EPHA6: variants seen among roughly 807,000 people sequenced by gnomAD.
The protein encoded by EPHA6 is EPH receptor A6.
Under a neutral mutation model 112.0 loss-of-function variants are expected in EPHA6, and 50 were observed. The ratio of observed to expected loss-of-function variants is 0.45; its 90% CI spans 0.36 to 0.56. The LOEUF (loss-of-function observed/expected upper bound fraction) is 0.56, where lower values mean the gene tolerates loss of function less well. Ranked by LOEUF, EPHA6 falls within the 20% of genes least tolerant of loss-of-function variation. The probability of loss-of-function intolerance (pLI) is 0.00; values close to 1 mark genes in which losing one functional copy is unlikely to be tolerated. For synonymous variants in EPHA6, 529 were observed against 490.7 expected, an observed-to-expected ratio of 1.08 and a Z score of -1.03; for missense variants, 1,280 against 1,417.4, an observed-to-expected ratio of 0.90 and a Z score of 1.56.
intron 5 of EPHA6, among the ~76,000 whole-genome samples, 160 bp from the exon 6 acceptor site, chr3:97,404,990 C>A (rs978795240): frequency 1.3e-5 from 2 of 152,042 alleles, no homozygotes; most frequent in African/African-American, 4.8e-5. Flanking sequence ...TTATTTGGAT[C>A]GAATAGAGCA....
chr3:97,590,036 C>T (rs55994700), intron 11 of EPHA6, among the ~76,000 whole-genome samples: 2,349 of 152,200 alleles, frequency 0.015, 43 homozygotes, highest in African/African-American at 0.046. Flanking sequence ...GAAATTATAA[C>T]AAAGAATTGC....
intron 3 of EPHA6, among the ~76,000 whole-genome samples, chr3:97,083,880 A>G (rs1279824464): frequency 2.0e-5 from 3 of 151,732 alleles, no homozygotes; most frequent in South Asian, 4.2e-4. Context: ...TTGTATATAC[A>G]TACATGAAAT....
intron 11 of EPHA6, among the ~76,000 whole-genome samples, chr3:97,554,961 G>T (rs1270174289): frequency 1.3e-5 from 2 of 151,596 alleles, no homozygotes; most frequent in Non-Finnish European, 2.9e-5. Flanking sequence ...TTAAGTTTTA[G>T]GTTACATGTG....
At chr3:97,204,243 GTACTAGGCTCCAGAAATATAAACA>G (rs1420302072) in intron 3 of EPHA6, among the ~76,000 whole-genome samples, 1 of 151,978 alleles carries the variant, frequency 6.6e-6, no homozygotes, top group East Asian at 1.9e-4. Flanking sequence ...AATTTCCTAT[GTACTAGGCTCCAGAAATATAAACA>G]TTTTTACATG....
chr3:97,453,356 C>T (rs1169192371), intron 7 of EPHA6, among the ~76,000 whole-genome samples: 1 of 151,670 alleles, frequency 6.6e-6, no homozygotes, highest in Non-Finnish European at 1.5e-5. Flanking sequence ...AGAATTAATA[C>T]ATTGCCAACA....
intron 3 of EPHA6, among the ~76,000 whole-genome samples, chr3:97,124,888 C>T (rs1294203284): frequency 6.6e-6 from 1 of 152,134 alleles, no homozygotes; most frequent in Non-Finnish European, 1.5e-5. Flanking sequence ...CAAATGCCAG[C>T]AAGGGGCATG....
At chr3:97,702,737 C>T (rs1436628755) in intron 14 of EPHA6, among the ~76,000 whole-genome samples, 4 of 152,132 alleles carry the variant, frequency 2.6e-5, no homozygotes, top group African/African-American at 9.7e-5. Flanking sequence ...GGCTTCAACC[C>T]ATGGATTCAT....
chr3:97,519,817 A>G (rs778677718), intron 10 of EPHA6, among the ~76,000 whole-genome samples: 26 of 151,562 alleles, frequency 1.7e-4, no homozygotes, highest in Non-Finnish European at 3.5e-4. Flanking sequence ...GCTGATTTTT[A>G]TATGTTGATT....
At chr3:97,605,823 T>C (rs2093676667) in intron 12 of EPHA6, among the ~76,000 whole-genome samples, 1 of 151,622 alleles carries the variant, frequency 6.6e-6, no homozygotes, top group South Asian at 2.1e-4. Context: ...ATCTGTACCT[T>C]GCTTTGGGCA....
intron 5 of EPHA6, among the ~76,000 whole-genome samples, chr3:97,305,765 G>A (rs57132560): frequency 0.028 from 4,258 of 151,768 alleles, 202 homozygotes; most frequent in African/African-American, 0.091. Flanking sequence ...AATGCCTGTG[G>A]GGTTTAATAC....
intron 17 of EPHA6, among the ~76,000 whole-genome samples, chr3:97,748,129 T>A (rs1256101796): frequency 6.6e-6 from 1 of 152,108 alleles, no homozygotes; most frequent in Non-Finnish European, 1.5e-5. Flanking sequence ...CTAAGGGCAT[T>A]TTTTCTAGAT....
chr3:97,123,497 T>G (rs1418266412), intron 3 of EPHA6, among the ~76,000 whole-genome samples: 1 of 152,042 alleles, frequency 6.6e-6, no homozygotes, highest in African/African-American at 2.4e-5. Flanking sequence ...AAATTTGAAA[T>G]TAGGAGCATA....
At chr3:96,993,550 C>G (rs2043294790) in intron 3 of EPHA6, among the ~76,000 whole-genome samples, 1 of 152,090 alleles carries the variant, frequency 6.6e-6, no homozygotes, top group Non-Finnish European at 1.5e-5. Context: ...TTCTTTCTCA[C>G]TCTTTCATTT....
intron 9 of EPHA6, chr3:97,481,164 A>G (rs190834444): frequency 0.017 from 14,060 of 837,806 alleles, 170 homozygotes; most frequent in Non-Finnish European, 0.022. Flanking sequence ...AGATCACGCC[A>G]CTGCACTCCA....
At chr3:97,329,956 A>G (rs1427970091) in intron 5 of EPHA6, among the ~76,000 whole-genome samples, 4 of 152,176 alleles carry the variant, frequency 2.6e-5, no homozygotes, top group Non-Finnish European at 4.4e-5. Flanking sequence ...TTTAGGTATA[A>G]CATTTAAGTC....
chr3:97,193,368 T>G (rs1456473023), intron 3 of EPHA6, among the ~76,000 whole-genome samples: 1 of 152,140 alleles, frequency 6.6e-6, no homozygotes, highest in African/African-American at 2.4e-5. Context: ...TTTGGTTAAG[T>G]CTTTTTAAGG....
At chr3:97,443,088 A>G (rs908814835) in intron 6 of EPHA6, among the ~76,000 whole-genome samples, 1 of 151,990 alleles carries the variant, frequency 6.6e-6, no homozygotes, top group African/African-American at 2.4e-5. Context: ...TGTGGTTTTA[A>G]TTCGTTTATT....
chr3:97,392,378 G>C (rs911409626), intron 5 of EPHA6, among the ~76,000 whole-genome samples: 10 of 151,516 alleles, frequency 6.6e-5, no homozygotes, highest in Non-Finnish European at 8.9e-5. Flanking sequence ...GTTTCACTAA[G>C]CTAGCATGGT....
At chr3:97,744,338 A>C (rs2035626521) in intron 16 of EPHA6, among the ~76,000 whole-genome samples, 1 of 152,072 alleles carries the variant, frequency 6.6e-6, no homozygotes, top group Admixed American at 6.6e-5. Flanking sequence ...TTATCATTGT[A>C]CATGTTTGAT....
Sources: gnomAD v4.1 joint callset for allele counts (sites outside exome capture counted in the v4.1 genomes callset) on GRCh38, gnomAD v4.1.1 for gene constraint, MANE v1.5 for transcripts, NCBI Gene and HGNC (gene_info 2026-07-23, HGNC 2026-07-21) for gene names.